Variants in OPA1 observed in about 807,000 individuals in gnomAD.
OPA1 encodes dynamin-like GTPase OPA1, mitochondrial.
OPA1 carries 59 observed loss-of-function variants against 152.9 expected under a neutral mutation model. The ratio of observed to expected loss-of-function variants is 0.39; its 90% CI spans 0.31 to 0.48. The LOEUF (loss-of-function observed/expected upper bound fraction) is 0.48, where lower values mean the gene tolerates loss of function less well. Among genes scored for constraint, OPA1 ranks in the 20% least tolerant of loss-of-function variants. The probability of loss-of-function intolerance (pLI) is 0.96; values close to 1 mark genes in which losing one functional copy is unlikely to be tolerated. For missense variants in OPA1, 1,008 were observed against 1,216.8 expected (o/e 0.83, Z 2.55); for synonymous variants, 400 against 389.9 (o/e 1.03, Z -0.31).
intron 26 of OPA1, among the ~76,000 whole-genome samples, chr3:193,664,286 CT>C (rs577204160): frequency 1.3e-3 from 191 of 152,102 alleles, no homozygotes; most frequent in Non-Finnish European, 2.2e-3. Flanking sequence ...ATTGATACCA[CT>C]TTTCTGACCT....
In OPA1 at chr3:193,667,220, G is replaced by A; in HGVS notation, c.2923G>A (p.Asp975Asn). 1 of 1,610,022 alleles carries A rather than the reference G, an allele frequency of 6.2e-7. No homozygotes were observed. Among genetic ancestry groups the A allele is most frequent in the African/African-American group, 1.3e-5 (1 of 74,962 alleles). The change falls in exon 29 of 31, where the codon GAT (aspartate) becomes AAT (asparagine). Residue 975 changes from aspartate (D) to asparagine (N), a missense_variant. Coordinates refer to ENST00000361510, the MANE Select transcript of OPA1 (RefSeq NM_130837.3). ...VKEVLEDFAEDGEKKIKLLTG... is the reference protein window; with the variant it reads ...VKEVLEDFAENGEKKIKLLTG... ...AGAGGTATTGGAAGATTTTGCTGAA[G>A]ATGGTGAGAAGAAGATTAAATTGCT...
chr3:193,691,937 T>TG (rs1721741681), intron 29 of OPA1, 126 bp from the exon 30 acceptor site: 1 of 624,588 alleles, frequency 1.6e-6, no homozygotes, highest in South Asian at 1.9e-5. Context: ...AAAGGTGGTA[T>TG]GGTGAGACTC....
intron 25 of OPA1, among the ~76,000 whole-genome samples, chr3:193,659,901 T>G (rs1305888419): frequency 1.3e-5 from 2 of 152,032 alleles, no homozygotes; most frequent in Non-Finnish European, 2.9e-5. Context: ...ATCACAACCC[T>G]TTGGGAGGCC....
intron 22 of OPA1, 102 bp downstream of exon 22, chr3:193,655,129 T>C (rs1482594940): frequency 1.9e-6 from 2 of 1,029,830 alleles, no homozygotes; most frequent in East Asian, 2.6e-5. Flanking sequence ...ATCTTTCTTT[T>C]AGGTCTTTAT....
intron 28 of OPA1, among the ~76,000 whole-genome samples, chr3:193,666,805 CAAA>C (rs1361809160): frequency 6.6e-6 from 1 of 151,800 alleles, no homozygotes; most frequent in Non-Finnish European, 1.5e-5. Flanking sequence ...AAAAAAAAGA[CAAA>C]AATTATTATT....
intron 29 of OPA1, among the ~76,000 whole-genome samples, chr3:193,672,596 C>T (rs1040630741): frequency 6.6e-6 from 1 of 152,046 alleles, no homozygotes; most frequent in African/African-American, 2.4e-5. Context: ...TGGCCGGATG[C>T]GGTGCCTCAC....
intron 3 of OPA1, among the ~76,000 whole-genome samples, chr3:193,616,923 T>C (rs754725866): frequency 6.6e-6 from 1 of 152,210 alleles, no homozygotes; most frequent in Non-Finnish European, 1.5e-5. Flanking sequence ...AGCTTTCAAA[T>C]TGATGTATTT....
chr3:193,610,753 GC>G (rs1164467442), intron 1 of OPA1, among the ~76,000 whole-genome samples: 12 of 152,206 alleles, frequency 7.9e-5, no homozygotes, highest in African/African-American at 2.7e-4. Flanking sequence ...CCCTCCCCCA[GC>G]CTCGCTGCCA....
At chr3:193,622,874 C>T (rs1279337998) in intron 6 of OPA1, among the ~76,000 whole-genome samples, 2 of 152,126 alleles carry the variant, frequency 1.3e-5, no homozygotes, top group Admixed American at 1.3e-4. Flanking sequence ...CTGGTTGATG[C>T]CAACAAAATT....
chr3:193,609,947 T>G (rs199912142), intron 1 of OPA1, among the ~76,000 whole-genome samples: 2 of 50,038 alleles, frequency 4.0e-5, no homozygotes, highest in African/African-American at 1.4e-4. Flanking sequence ...GTCGAATTTT[T>G]TTCAAGGTTT....
intron 9 of OPA1, among the ~76,000 whole-genome samples, chr3:193,636,817 A>G (rs924665441): frequency 2.6e-5 from 4 of 151,552 alleles, no homozygotes; most frequent in African/African-American, 9.7e-5. Flanking sequence ...CAAACTTAGC[A>G]AAGAATAATT....
At chr3:193,684,679 G>A (rs1430282548) in intron 29 of OPA1, among the ~76,000 whole-genome samples, 1 of 152,036 alleles carries the variant, frequency 6.6e-6, no homozygotes, top group African/African-American at 2.4e-5. Context: ...TTGAACTCCT[G>A]ACCTCATGTG....
chr3:193,666,798 A>G (rs1195601270), intron 28 of OPA1, among the ~76,000 whole-genome samples: 2 of 152,208 alleles, frequency 1.3e-5, no homozygotes, highest in African/African-American at 2.4e-5. Context: ...TCTTTAAAAA[A>G]AAAAGACAAA....
At chr3:193,643,676 G>A (rs1734118016) in intron 15 of OPA1, 49 bp downstream of exon 15, 3 of 1,476,112 alleles carry the variant, frequency 2.0e-6, no homozygotes, top group South Asian at 2.3e-5. Context: ...TTCTTCTTTA[G>A]CAATCCAAGC....
rs73205350 is a variant in OPA1, at chr3:193,643,496, T to C, written c.1378-32T>C. The C allele has an allele frequency of 2.0e-4, 323 of 1,607,644 alleles. 4 individuals carry two copies. In the South Asian group the frequency reaches 2.6e-3, roughly 13 times the overall value. On this transcript the variant is annotated intron_variant, in intron 14 of 30. Transcript: ENST00000361510. ...ATTTTATTCTTATTGTGTGAAGCAT[T>C]TATAATGACATTTAAAACCTTTTTC... is the stretch of plus-strand genomic sequence containing the variant.
chr3:193,650,822 T>G (rs1712231068), intron 21 of OPA1, among the ~76,000 whole-genome samples: 1 of 152,180 alleles, frequency 6.6e-6, no homozygotes, highest in Admixed American at 6.5e-5. Flanking sequence ...ATCATTAACA[T>G]CATGTGACCA....
At chr3:193,660,164 A>G (rs1446808800) in intron 25 of OPA1, among the ~76,000 whole-genome samples, 1 of 152,136 alleles carries the variant, frequency 6.6e-6, no homozygotes, top group East Asian at 1.9e-4. Flanking sequence ...TTGGCGGGAA[A>G]AGATACAATT....
chr3:193,675,348 A>C (rs1187791890), intron 29 of OPA1, among the ~76,000 whole-genome samples: 1 of 151,268 alleles, frequency 6.6e-6, no homozygotes, highest in East Asian at 1.9e-4. Flanking sequence ...AAAAAAAAAA[A>C]AACACCCAAT....
intron 6 of OPA1, among the ~76,000 whole-genome samples, chr3:193,622,958 G>A (rs191704088): frequency 1.3e-5 from 2 of 152,306 alleles, no homozygotes; most frequent in East Asian, 3.9e-4. Context: ...CCATTGAGGA[G>A]AACAAGGCTG....
Sources: gnomAD v4.1 joint callset for allele counts (sites outside exome capture counted in the v4.1 genomes callset) on GRCh38, gnomAD v4.1.1 for gene constraint, MANE v1.5 for transcripts, NCBI Gene and HGNC (gene_info 2026-07-23, HGNC 2026-07-21) for gene names.